TRPC7: variants seen among roughly 807,000 people sequenced by gnomAD.
The protein encoded by TRPC7 is short transient receptor potential channel 7.
In TRPC7, 42 loss-of-function variants were observed where a neutral mutation model predicts 90.1. The ratio of observed to expected loss-of-function variants is 0.47; its 90% CI spans 0.36 to 0.60. TRPC7 has a LOEUF of 0.60. TRPC7 is among the 20% of genes least tolerant of loss of function. The pLI is 0.00. For missense variants in TRPC7, 955 were observed against 1,112.3 expected (o/e 0.86, Z 2.01); for synonymous variants, 451 against 436.3 (o/e 1.03, Z -0.42).
chr5:136,273,593 C>T (rs76241239), intron 4 of TRPC7, among the ~76,000 whole-genome samples: 51 of 152,206 alleles, frequency 3.4e-4, no homozygotes, highest in African/African-American at 1.1e-3. Flanking sequence ...CCCGAAGTCT[C>T]GCAGCTGTCA....
At chr5:136,233,138 A>G (rs548872764) in intron 7 of TRPC7, among the ~76,000 whole-genome samples, 1 of 152,168 alleles carries the variant, frequency 6.6e-6, no homozygotes, top group South Asian at 2.1e-4. Flanking sequence ...CTCATTCCCT[A>G]TGCACACTCT....
intron 2 of TRPC7, among the ~76,000 whole-genome samples, chr5:136,342,164 A>G (rs1458915027): frequency 6.6e-6 from 1 of 152,180 alleles, no homozygotes; most frequent in Non-Finnish European, 1.5e-5. Context: ...AGCCTCAACT[A>G]AGAATGGTAA....
rs146666857 is a variant in TRPC7, at chr5:136,218,499, A to C, written c.2344-2224T>G. ...GGGTTCTTCAGTTTCTGGATCCAAC[A>C]ATTAAAGAGCTTTACTGTTTCTCAT... On this transcript the variant is annotated intron_variant, in intron 10 of 11. Transcript: ENST00000513104. 3.0e-4 allele frequency among the ~76,000 whole-genome samples: 45 copies of C among 152,332 alleles called. No homozygotes were observed. The East Asian group carries it at 7.7e-3, about 26-fold the overall frequency.
chr5:136,315,683 C>A lies in TRPC7; in HGVS notation c.877G>T (p.Gly293Cys). Residue 293 changes from glycine (G) to cysteine (C), a missense_variant, in exon 3 of 12, where the codon GGT becomes TGT. Transcript: ENST00000513104. Reference protein sequence around the residue: ...DTEEVEAILNGDVNFQVWSDH... With the variant: ...DTEEVEAILNCDVNFQVWSDH... ...GACCAGACTTGGAAGTTCACATCAC[C>A]GTTTAAAATTGCTTCCACCTCTTCT... is the stretch of plus-strand genomic sequence containing the variant. 6.2e-7 allele frequency: 1 copy of A among 1,613,974 alleles called. No homozygotes were observed. The highest frequency in any genetic ancestry group is 8.5e-7 in the Non-Finnish European group (1 of 1,179,894).
chr5:136,259,391 C>G (rs1428818804), intron 5 of TRPC7, among the ~76,000 whole-genome samples: 1 of 152,180 alleles, frequency 6.6e-6, no homozygotes, highest in South Asian at 2.1e-4. Flanking sequence ...ACCTTTGTGC[C>G]AGCCACCATT....
At chr5:136,277,610 A>G (rs1757407888) in intron 3 of TRPC7, among the ~76,000 whole-genome samples, 1 of 152,214 alleles carries the variant, frequency 6.6e-6, no homozygotes, top group Non-Finnish European at 1.5e-5. Flanking sequence ...ACTCTACCCA[A>G]AAGGGCACAC....
At chr5:136,242,959 C>G (rs1472415671) in intron 7 of TRPC7, among the ~76,000 whole-genome samples, 1 of 152,198 alleles carries the variant, frequency 6.6e-6, no homozygotes, top group Non-Finnish European at 1.5e-5. Flanking sequence ...CTAGCCTCTT[C>G]ATTGAGGTCT....
At chr5:136,214,766 G>C (rs1342751425) in intron 11 of TRPC7, among the ~76,000 whole-genome samples, 1 of 152,204 alleles carries the variant, frequency 6.6e-6, no homozygotes, top group African/African-American at 2.4e-5. Flanking sequence ...GGATGAAGCA[G>C]AGGGTCACCC....
chr5:136,363,718 T>C (rs999462378), intron 1 of TRPC7, among the ~76,000 whole-genome samples: 1 of 152,184 alleles, frequency 6.6e-6, no homozygotes, highest in Non-Finnish European at 1.5e-5. Context: ...GTAATTTATT[T>C]TCTACCAAGT....
At chr5:136,254,835 T>C (rs972456817) in intron 5 of TRPC7, among the ~76,000 whole-genome samples, 9 of 152,216 alleles carry the variant, frequency 5.9e-5, no homozygotes, top group African/African-American at 1.9e-4. Context: ...ATTTATCGTT[T>C]TAGATGCCAT....
intron 2 of TRPC7, among the ~76,000 whole-genome samples, chr5:136,329,454 C>A (rs1356223328): frequency 1.3e-5 from 2 of 152,036 alleles, no homozygotes; most frequent in Non-Finnish European, 2.9e-5. Context: ...TTGGGGCATG[C>A]TACCTGAGTT....
chr5:136,356,765 C>T lies in TRPC7; in HGVS notation c.623G>A (p.Arg208Gln), dbSNP rs757025359. Residue 208 changes from arginine (R) to glutamine (Q), a missense_variant, in exon 2 of 12, where the codon CGG (arginine) becomes CAG (glutamine). Physicochemically the swap from Arg to Gln is conservative, Grantham distance 43. This residue lies in a region of TRPC7 where 484 missense variants were observed against 509.6 expected (regional missense o/e 0.95). Transcript: ENST00000513104. Reference protein sequence around the residue: ...CKCNECTEKQRKDSFSHSRSR... With the variant: ...CKCNECTEKQQKDSFSHSRSR... ...GCGCGAGTGGCTGAAGGAGTCTTTC[C>T]GCTGTTTCTCGGTGCACTCATTGCA... 9 of 1,612,050 alleles carry T rather than the reference C, an allele frequency of 5.6e-6. No homozygotes were observed. The highest frequency in any genetic ancestry group is 1.7e-5 in the Admixed American group (1 of 59,728).
intron 4 of TRPC7, among the ~76,000 whole-genome samples, chr5:136,268,166 A>G (rs949135876): frequency 1.3e-5 from 2 of 152,194 alleles, no homozygotes; most frequent in Non-Finnish European, 2.9e-5. Flanking sequence ...TGGTGTTAGC[A>G]TCTTGGAGCC....
rs1020285386 is a variant in TRPC7, at chr5:136,359,592, A to G, written c.3-2207T>C. ...TACCAAAGGCAGACTGTGGATTAGG[A>G]GTCCCAGAAAAACCTTTACAGGAGA... On this transcript the variant is annotated intron_variant, in intron 1 of 11. Coordinates refer to ENST00000513104, the MANE Select transcript of TRPC7 (RefSeq NM_020389.3). Among the ~76,000 whole-genome samples the G allele has an allele frequency of 2.0e-5, 3 of 152,232 alleles. No individual in the cohort carries two copies. The East Asian group carries it at 5.8e-4, about 29-fold the overall frequency.
At position 136,251,842 on chromosome 5, in the gene TRPC7, C is replaced by A; in HGVS notation, c.1386G>T (p.Gly462=). ...WSECKEIWEE[G]PREYVLHLWN... is the part of the protein sequence containing the mutation. The stretch of plus-strand genomic sequence containing the variant: ...ACAAGTGCAGCACGTACTCCCGTGG[C>A]CCCTCCTCCCAGATTTCCTTGCATT... Residue 462 remains glycine, a synonymous_variant, in exon 6 of 12, where the codon GGG becomes GGT. Transcript: ENST00000513104. 6.2e-7 allele frequency: 1 copy of A among 1,613,986 alleles called. No individual in the cohort carries two copies. Among genetic ancestry groups the A allele is most frequent in the African/African-American group, 1.3e-5 (1 of 75,056 alleles).
chr5:136,263,437 T>C (rs958881855), intron 5 of TRPC7, among the ~76,000 whole-genome samples: 1 of 152,114 alleles, frequency 6.6e-6, no homozygotes, highest in Non-Finnish European at 1.5e-5. Flanking sequence ...TTACCAAACA[T>C]TTCAAGATGC....
intron 10 of TRPC7, among the ~76,000 whole-genome samples, chr5:136,219,951 C>A (rs2149792969): frequency 6.6e-6 from 1 of 152,284 alleles, no homozygotes; most frequent in Non-Finnish European, 1.5e-5. Flanking sequence ...AGTCAGGGAC[C>A]CTGAATGGAG....
At chr5:136,233,256 C>T (rs755758363) in intron 7 of TRPC7, among the ~76,000 whole-genome samples, 13 of 152,172 alleles carry the variant, frequency 8.5e-5, no homozygotes, top group Non-Finnish European at 1.8e-4. Flanking sequence ...TTAGCATTAG[C>T]GAGAAATAAT....
chr5:136,262,026 A>G (rs1281383139), intron 5 of TRPC7, among the ~76,000 whole-genome samples: 1 of 152,112 alleles, frequency 6.6e-6, no homozygotes, highest in African/African-American at 2.4e-5. Flanking sequence ...TCTTTCTCTC[A>G]CATCCCATAT....
Sources: gnomAD v4.1 joint callset for allele counts (sites outside exome capture counted in the v4.1 genomes callset) on GRCh38, gnomAD v4.1.1 for gene constraint, gnomAD v4.1.1 regional missense constraint, MANE v1.5 for transcripts, NCBI Gene and HGNC (gene_info 2026-07-23, HGNC 2026-07-21) for gene names.